WDFY3: variants seen among roughly 807,000 people sequenced by gnomAD.
WDFY3 encodes the protein WD repeat and FYVE domain containing 3, also known as WD repeat and FYVE domain-containing protein 3.
In WDFY3, 66 loss-of-function variants were observed where a neutral mutation model predicts 409.6. The ratio of observed to expected loss-of-function variants is 0.16; its 90% CI spans 0.13 to 0.20. The LOEUF (loss-of-function observed/expected upper bound fraction) is 0.20. Among genes scored for constraint, WDFY3 ranks in the 10% least tolerant of loss-of-function variants. WDFY3 has a pLI of 1.00. For missense variants in WDFY3, 3,031 were observed against 4,298.1 expected (o/e 0.71, Z 8.24); for synonymous variants, 1,521 against 1,537.1 (o/e 0.99, Z 0.25).
chr4:84,802,007 G>A, intron 16 of WDFY3, 143 bp from the exon 17 acceptor site: 2 of 757,444 alleles, frequency 2.6e-6, no homozygotes, highest in South Asian at 3.8e-5. Flanking sequence ...GAGTGCAATG[G>A]TGTGATCTCG....
chr4:84,786,197 TTTTTTATTC>T, intron 23 of WDFY3, 58 bp from the exon 24 acceptor site: 2 of 1,483,232 alleles, frequency 1.3e-6, no homozygotes, highest in Non-Finnish European at 1.8e-6. Flanking sequence ...TTAAAGTAAG[TTTTTTATTC>T]TTACTATCAT....
chr4:84,849,365 A>C (rs1758558276), intron 5 of WDFY3, among the ~76,000 whole-genome samples: 1 of 152,126 alleles, frequency 6.6e-6, no homozygotes, highest in African/African-American at 2.4e-5. Flanking sequence ...TCTTTGCCTA[A>C]AGAAATCAAA....
At chr4:84,933,377 A>C (rs1001734910) in intron 1 of WDFY3, among the ~76,000 whole-genome samples, 1 of 152,048 alleles carries the variant, frequency 6.6e-6, no homozygotes, top group Non-Finnish European at 1.5e-5. Flanking sequence ...TAGGAGAAAA[A>C]TCCCTCTTTT....
intron 2 of WDFY3, among the ~76,000 whole-genome samples, chr4:84,927,301 T>C (rs1288180700): frequency 6.7e-6 from 1 of 149,546 alleles, no homozygotes; most frequent in East Asian, 2.0e-4. Context: ...ACTAAAGAAA[T>C]GTTATTCCAT....
chr4:84,907,192 C>G (rs1306315346), intron 2 of WDFY3, among the ~76,000 whole-genome samples: 2 of 152,034 alleles, frequency 1.3e-5, no homozygotes, highest in Non-Finnish European at 2.9e-5. Context: ...AATATATCCA[C>G]GAATTTTATG....
intron 1 of WDFY3, among the ~76,000 whole-genome samples, chr4:84,943,839 T>C (rs1293510272): frequency 6.6e-6 from 1 of 152,220 alleles, no homozygotes; most frequent in African/African-American, 2.4e-5. Flanking sequence ...CTACCAGTCA[T>C]GAGCCATTCA....
At chr4:84,889,601 T>C (rs1764669184) in intron 3 of WDFY3, among the ~76,000 whole-genome samples, 1 of 151,782 alleles carries the variant, frequency 6.6e-6, no homozygotes, top group East Asian at 1.9e-4. Context: ...CAGGCAGATA[T>C]GAATTTCAAA....
chr4:84,810,917 A>G (rs1447629320), intron 13 of WDFY3, among the ~76,000 whole-genome samples: 2 of 74,044 alleles, frequency 2.7e-5, no homozygotes, highest in African/African-American at 3.9e-5. Context: ...AACAGCTGTA[A>G]GCTTTAAAAA....
intron 3 of WDFY3, among the ~76,000 whole-genome samples, chr4:84,867,498 A>T (rs992056791): frequency 2.0e-5 from 3 of 152,230 alleles, no homozygotes; most frequent in African/African-American, 7.2e-5. Context: ...TGGGTTCATA[A>T]GAAAAAATAA....
At chr4:84,788,884 G>A (rs1266636261) in intron 22 of WDFY3, among the ~76,000 whole-genome samples, 2 of 152,142 alleles carry the variant, frequency 1.3e-5, no homozygotes, top group East Asian at 1.9e-4. Context: ...GCCACGTGTG[G>A]TGGCACATGC....
At chr4:84,925,972 G>T (rs1769927624) in intron 2 of WDFY3, among the ~76,000 whole-genome samples, 1 of 151,400 alleles carries the variant, frequency 6.6e-6, no homozygotes, top group Admixed American at 6.6e-5. Flanking sequence ...ATAAAACTGG[G>T]TTTAAAAAGG....
rs768055523 is a variant in WDFY3 at position 84,690,543 on chromosome 4, G to A, written c.9326C>T (p.Thr3109Ile). The change falls in exon 61 of 68, where the codon ACC (threonine) becomes ATC (isoleucine). Residue 3109 changes from threonine (T) to isoleucine (I), a missense_variant. Transcript: ENST00000295888. Reference protein sequence around the residue: ...STVVCVWEMGTSKEKAKTVTL... With the variant: ...STVVCVWEMGISKEKAKTVTL... ...GACGGTCTTGGCCTTTTCTTTGGAGGTGCCCATCTCCCACACACACACAAC... is the reference window on the plus strand; with the variant it reads ...GACGGTCTTGGCCTTTTCTTTGGAGATGCCCATCTCCCACACACACACAAC... 31 of 1,613,870 alleles carry A rather than the reference G, an allele frequency of 1.9e-5. No homozygotes were observed. Among genetic ancestry groups the A allele is most frequent in the South Asian group, 1.4e-4 (13 of 91,082 alleles).
At chr4:84,764,054 T>A (rs1743173567) in intron 32 of WDFY3, among the ~76,000 whole-genome samples, 1 of 152,196 alleles carries the variant, frequency 6.6e-6, no homozygotes, top group African/African-American at 2.4e-5. Context: ...AAATAAAACT[T>A]ATATGCTATA....
At chr4:84,709,202 A>G (rs187156640) in intron 52 of WDFY3, 91 bp downstream of exon 52, 8 of 1,414,720 alleles carry the variant, frequency 5.7e-6, no homozygotes, top group Admixed American at 2.2e-5. Flanking sequence ...TCTATGGTAT[A>G]TATTTTATGG....
At chr4:84,739,345 C>T (rs747227574) in intron 39 of WDFY3, 7 of 443,728 alleles carry the variant, frequency 1.6e-5, no homozygotes, top group Non-Finnish European at 2.4e-5. Context: ...AAGATTATTA[C>T]CTTAATATTT....
chr4:84,899,995 A>G (rs183415643), intron 2 of WDFY3, among the ~76,000 whole-genome samples: 18 of 152,300 alleles, frequency 1.2e-4, no homozygotes, highest in African/African-American at 3.8e-4. Flanking sequence ...GCTACATGCA[A>G]TGTGACTGTG....
intron 38 of WDFY3, 85 bp from the exon 39 acceptor site, chr4:84,740,501 C>G: frequency 7.9e-7 from 1 of 1,266,434 alleles, no homozygotes; most frequent in Non-Finnish European, 1.1e-6. Context: ...TTTATTAGGT[C>G]TATTATATAC....
chr4:84,701,533 TG>T (rs1384566963), intron 56 of WDFY3, among the ~76,000 whole-genome samples: 1 of 152,104 alleles, frequency 6.6e-6, no homozygotes, highest in Non-Finnish European at 1.5e-5. Flanking sequence ...ATACAAGGAA[TG>T]AAAAAAATAT....
In WDFY3 at chr4:84,786,139, C is replaced by G; in HGVS notation, c.3902G>C (p.Cys1301Ser). The change falls in exon 24 of 68, where the codon TGT becomes TCT. Residue 1301 changes from cysteine to serine, a missense_variant and splice_region_variant. By Grantham distance (112) the Cys-to-Ser change is moderately radical. Around this residue, in one of 16 missense-constraint regions of WDFY3, gnomAD observed 1,322 missense variants for 1,697.9 expected, o/e 0.78. Transcript: ENST00000295888. ...CACCCCTTCGGATTTTGCATCTTTA[C>G]CTTCAAAAGAAGAATAATTCTTTTC... The part of the protein sequence containing the change: ...VGSFQAVCMP[C>S]KDAKSEGVVP... The G allele has an allele frequency of 6.3e-7, 1 of 1,593,558 alleles. No individual in the cohort carries two copies. Among genetic ancestry groups the G allele is most frequent in the Non-Finnish European group, 8.5e-7 (1 of 1,172,378 alleles).
Sources: allele counts gnomAD v4.1 joint callset (sites outside exome capture counted in the v4.1 genomes callset), GRCh38; gene constraint gnomAD v4.1.1; regional missense constraint gnomAD v4.1.1; transcripts MANE v1.5; gene names NCBI Gene and HGNC (gene_info 2026-07-23, HGNC 2026-07-21).